ULK1: variants seen among roughly 807,000 people sequenced by gnomAD.
ULK1 encodes serine/threonine-protein kinase ULK1.
ULK1 carries 48 observed loss-of-function variants against 117.5 expected under a neutral mutation model. The observed-to-expected ratio is 0.41, with a 90% CI of 0.32 to 0.52. ULK1 has a LOEUF of 0.52. Among genes scored for constraint, ULK1 ranks in the 20% least tolerant of loss-of-function variants. ULK1 has a pLI of 0.29. For missense variants in ULK1, 1,387 were observed against 1,473.4 expected (o/e 0.94, Z 0.96); for synonymous variants, 790 against 637.8 (o/e 1.24, Z -3.60).
intron 13 of ULK1, 49 bp from the exon 14 acceptor site, chr12:131,913,149 C>A: frequency 1.3e-6 from 2 of 1,509,446 alleles, no homozygotes; most frequent in Admixed American, 2.2e-5. Context: ...GTGGGGTGGC[C>A]CTGGGCAGGC....
At chr12:131,907,734 C>T (rs1466287451) in intron 5 of ULK1, among the ~76,000 whole-genome samples, 5 of 152,148 alleles carry the variant, frequency 3.3e-5, no homozygotes, top group Non-Finnish European at 4.4e-5. Flanking sequence ...GCAGTCCCTC[C>T]GCTGGCCTCC....
chr12:131,906,234 C>T (rs906237335), intron 3 of ULK1, among the ~76,000 whole-genome samples: 2 of 152,196 alleles, frequency 1.3e-5, no homozygotes, highest in African/African-American at 4.8e-5. Flanking sequence ...GCTGGGATTA[C>T]AGGCACGCAC....
In ULK1 at chr12:131,922,438, C is replaced by CA; in HGVS notation, c.*1077_*1078insA. On this transcript the variant is annotated 3_prime_UTR_variant, in exon 28 of 28. Transcript: ENST00000321867. The stretch of plus-strand genomic sequence containing the variant: ...AAAAAAGTAACATGTGCAAAAGCTC[C>CA]CCGTCCAGCTTTGACAGTCAGTTTT... 3.2e-5 allele frequency: 6 copies of CA among 188,024 alleles called. No individual in the cohort carries two copies. The highest frequency in any genetic ancestry group is 1.7e-4 in the South Asian group (2 of 11,802). The allele number at this position is 188,024 out of a possible 1,614,324, so 11.6% of individuals were successfully genotyped here.
At position 131,919,562 on chromosome 12, in the gene ULK1, G is replaced by A. The variant is rs199839421; in HGVS notation, c.2775G>A (p.Lys925=). The A allele has an allele frequency of 6.2e-7, 1 of 1,612,132 alleles. No individual in the cohort carries two copies. Among genetic ancestry groups the A allele is most frequent in the South Asian group, 1.1e-5 (1 of 91,092 alleles). Reference sequence around the variant, plus strand: ...CCATCGACCAGATCCGGGCCGGCAAGCTCTGCCTGTCGTCCACTGTGAAGC... The same window carrying A: ...CCATCGACCAGATCCGGGCCGGCAAACTCTGCCTGTCGTCCACTGTGAAGC... ...QSAIDQIRAG[K]LCLSSTVKQV... The change falls in exon 25 of 28, where the codon AAG becomes AAA. Residue 925 remains lysine, a synonymous_variant. Coordinates refer to ENST00000321867, the MANE Select transcript of ULK1 (RefSeq NM_003565.4).
chr12:131,914,816 T>C (rs1889700149), intron 16 of ULK1, among the ~76,000 whole-genome samples: 1 of 152,134 alleles, frequency 6.6e-6, no homozygotes, highest in Admixed American at 6.5e-5. Flanking sequence ...ATGGAGACTT[T>C]AGGGTGAGGG....
intron 3 of ULK1, chr12:131,896,356 A>G (rs1430733539): frequency 6.3e-6 from 1 of 157,696 alleles, no homozygotes; most frequent in Admixed American, 6.2e-5. Context: ...CCAAGAAGCA[A>G]GCGGTGGGAC....
Position 131,915,988 on chromosome 12 carries a change from G to A in ULK1, c.1707G>A (p.Lys569=). The change falls in exon 19 of 28, where the codon AAG becomes AAA. Residue 569 remains lysine (K), a synonymous_variant. Transcript: ENST00000321867. The part of the protein sequence containing the change: ...NLSDLHVVRP[K]LPKPPTDPLG... ...CTGACTTGCACGTCGTCCGCCCCAA[G>A]CTGCCCAAACCCCCCACGGACCCCC... 6.2e-7 allele frequency: 1 copy of A among 1,612,344 alleles called. No individual in the cohort carries two copies. Among genetic ancestry groups the A allele is most frequent in the East Asian group, 2.2e-5 (1 of 44,852 alleles).
Position 131,913,251 on chromosome 12 carries a change from T to C in ULK1, c.1150T>C (p.Cys384Arg). 1 of 1,587,994 alleles carries C rather than the reference T, an allele frequency of 6.3e-7. No individual in the cohort carries two copies. Among genetic ancestry groups the C allele is most frequent in the Non-Finnish European group, 8.6e-7 (1 of 1,169,088 alleles). Residue 384 changes from cysteine to arginine, a missense_variant, in exon 14 of 28, where the codon TGC becomes CGC. Physicochemically the swap from Cys to Arg is radical, Grantham distance 180. Transcript: ENST00000321867. Reference sequence around the variant, plus strand: ...CAAACCCCCGCCAGACAGCCTGATGTGCAGTGGGTGAGCCCCCATCCCTTA... The same window carrying C: ...CAAACCCCCGCCAGACAGCCTGATGCGCAGTGGGTGAGCCCCCATCCCTTA... ...SAKPPPDSLM[C>R]SGSSLVASAG...
In ULK1 at chr12:131,921,730, A is replaced by C. The variant is rs7311029; in HGVS notation, c.*369A>C. 577,074 of 577,080 alleles carry C rather than the reference A, an allele frequency of 1. 288,534 individuals carry two copies. Among genetic ancestry groups the C allele is most frequent in the Middle Eastern group, 1 (3,670 of 3,670 alleles). 35.7% of individuals were successfully genotyped at this position (577,080 alleles called of 1,614,324 possible). On this transcript the variant is annotated 3_prime_UTR_variant, in exon 28 of 28. Coordinates refer to ENST00000321867, the MANE Select transcript of ULK1 (RefSeq NM_003565.4). ...AGCCAAAGCGAGCTCCTGCTTAGGG[A>C]AGGTCAGCAGGCACTGTGCCCAGGA...
intron 26 of ULK1, 41 bp downstream of exon 26, chr12:131,920,177 C>T (rs1890087904): frequency 1.3e-6 from 2 of 1,594,912 alleles, no homozygotes; most frequent in Non-Finnish European, 1.7e-6. Flanking sequence ...GGGCCAGGAA[C>T]TTCCAGGCCC....
In ULK1 at chr12:131,894,817, C is replaced by T. The variant is rs1285692456; in HGVS notation, c.-185C>T. On this transcript the variant is annotated 5_prime_UTR_variant, in exon 1 of 28. Transcript: ENST00000321867. ...GCGCGACCCTCGGACCCCGCCTGGC[C>T]CGCGGGGCTGGGACCCGGCCCCGGC... 1 of 150,888 alleles carries T rather than the reference C, an allele frequency of 6.6e-6. No homozygotes were observed. The allele number at this position is 150,888 out of a possible 1,614,324, so 9.3% of individuals were successfully genotyped here.
intron 3 of ULK1, among the ~76,000 whole-genome samples, chr12:131,901,307 T>C (rs974873246): frequency 2.5e-4 from 37 of 149,836 alleles, no homozygotes; most frequent in Admixed American, 7.3e-4. Context: ...TGCAGTGAGC[T>C]GAGTTTGTGC....
intron 12 of ULK1, 115 bp from the exon 13 acceptor site, chr12:131,911,827 A>T: frequency 6.9e-7 from 1 of 1,449,730 alleles, no homozygotes; most frequent in Non-Finnish European, 9.5e-7. Flanking sequence ...AGCCCTTCTC[A>T]GCCCCAGCGC....
intron 22 of ULK1, among the ~76,000 whole-genome samples, chr12:131,918,095 G>GGACT (rs954661765): frequency 6.6e-6 from 1 of 152,200 alleles, no homozygotes; most frequent in Non-Finnish European, 1.5e-5. Context: ...CGAGGATGGG[G>GGACT]GACTGCCTTG....
At chr12:131,908,838 G>T (rs1251895035) in intron 6 of ULK1, 21 bp downstream of exon 6, 3 of 1,604,496 alleles carry the variant, frequency 1.9e-6, no homozygotes, top group African/African-American at 1.3e-5. Flanking sequence ...GGGCAGGCAG[G>T]CGGGCCCGGC....
intron 13 of ULK1, 63 bp downstream of exon 13, chr12:131,912,152 G>C: frequency 2.6e-6 from 4 of 1,546,812 alleles, no homozygotes; most frequent in Non-Finnish European, 3.5e-6. Flanking sequence ...TGCATTGCAT[G>C]TGTTGGATGC....
Position 131,921,454 on chromosome 12 carries a change from T to C in ULK1, c.*93T>C. On this transcript the variant is annotated 3_prime_UTR_variant, in exon 28 of 28. Transcript: ENST00000321867. ...ACTCCTCGGGACAAGCCCATGGCGC[T>C]GATCGCTGGTGCTGAGCCCTGCCCT... is the stretch of plus-strand genomic sequence containing the variant. 1 of 1,564,300 alleles carries C rather than the reference T, an allele frequency of 6.4e-7. No individual in the cohort carries two copies.
At position 131,921,808 on chromosome 12, in the gene ULK1, T is replaced by C. The variant is rs1484095802; in HGVS notation, c.*447T>C. 2 of 486,670 alleles carry C rather than the reference T, an allele frequency of 4.1e-6. No homozygotes were observed. Among genetic ancestry groups the C allele is most frequent in the Non-Finnish European group, 4.0e-6 (1 of 247,562 alleles). 30.1% of individuals were successfully genotyped at this position (486,670 alleles called of 1,614,324 possible). A position where few individuals can be genotyped will look rare whatever the true frequency, so the allele number is the denominator to read the frequency against. Reference sequence around the variant, plus strand: ...TCTCCAGGAGCCTCTCCCTCCGAGATACCCACCCAGCTTTGTCAATCACCC... The same window carrying C: ...TCTCCAGGAGCCTCTCCCTCCGAGACACCCACCCAGCTTTGTCAATCACCC... On this transcript the variant is annotated 3_prime_UTR_variant, in exon 28 of 28. Transcript: ENST00000321867.
chr12:131,918,920 T>G, intron 23 of ULK1, among the ~76,000 whole-genome samples: 2 of 85,064 alleles, frequency 2.4e-5, no homozygotes, highest in Non-Finnish European at 4.4e-5. Flanking sequence ...GTGTGTGGGG[T>G]GCAGGGTGTG....
Sources: gnomAD v4.1 joint callset for allele counts (sites outside exome capture counted in the v4.1 genomes callset) on GRCh38, gnomAD v4.1.1 for gene constraint, MANE v1.5 for transcripts, NCBI Gene and HGNC (gene_info 2026-07-23, HGNC 2026-07-21) for gene names.